Variants in PDE7B observed in about 807,000 individuals in gnomAD.
The protein encoded by PDE7B is phosphodiesterase 7B.
Under a neutral mutation model 56.2 loss-of-function variants are expected in PDE7B, and 29 were observed. That is an observed-to-expected ratio of 0.52 (90% CI 0.38 to 0.70). The LOEUF is 0.70. PDE7B is among the 30% of genes least tolerant of loss of function. PDE7B has a pLI of 0.00. For synonymous variants in PDE7B, 197 were observed against 196.9 expected (o/e 1.00, Z 0.00); for missense variants, 490 against 565.0 (o/e 0.87, Z 1.35).
chr6:135,876,555 T>TA (rs1313122441), intron 1 of PDE7B, among the ~76,000 whole-genome samples: 1 of 152,206 alleles, frequency 6.6e-6, no homozygotes, highest in Admixed American at 6.5e-5. Context: ...AGTCGATAGA[T>TA]ATGTTCAATA....
chr6:136,113,271 A>G (rs1372575012), intron 3 of PDE7B, among the ~76,000 whole-genome samples: 1 of 152,252 alleles, frequency 6.6e-6, no homozygotes, highest in Non-Finnish European at 1.5e-5. Context: ...GTTGTATACC[A>G]TAAATATGTA....
chr6:136,060,013 A>G (rs145778703), intron 2 of PDE7B, among the ~76,000 whole-genome samples: 1 of 152,346 alleles, frequency 6.6e-6, no homozygotes, highest in Non-Finnish European at 1.5e-5. Context: ...GGAACCAGGC[A>G]TGAAGAACTA....
chr6:135,881,658 A>C (rs1213577345), intron 1 of PDE7B, among the ~76,000 whole-genome samples: 1 of 152,174 alleles, frequency 6.6e-6, no homozygotes, highest in African/African-American at 2.4e-5. Flanking sequence ...AAGCTAATAA[A>C]CCCAGGCCAA....
At position 135,882,724 on chromosome 6, in the gene PDE7B, C is replaced by G. The variant is rs542124687; in HGVS notation, c.21+30705C>G. ...GAGCTCTGCAACTTCAGAAGGCAGG[C>G]TCCTTACCACACTTGACTTGTAATT... is the stretch of plus-strand genomic sequence containing the variant. On this transcript the variant is annotated intron_variant, in intron 1 of 12. Transcript: ENST00000308191. Among the ~76,000 whole-genome samples the G allele has an allele frequency of 3.3e-5, 5 of 152,250 alleles. No homozygotes were observed. In the South Asian group the frequency reaches 1.0e-3, roughly 32 times the overall value.
At chr6:135,952,138 C>T (rs1348945360) in intron 2 of PDE7B, among the ~76,000 whole-genome samples, 2 of 151,994 alleles carry the variant, frequency 1.3e-5, no homozygotes, top group African/African-American at 4.8e-5. Context: ...ATGAGATGTT[C>T]TATGAGGAGA....
At chr6:135,972,350 G>T (rs1356847657) in intron 2 of PDE7B, among the ~76,000 whole-genome samples, 1 of 150,886 alleles carries the variant, frequency 6.6e-6, no homozygotes, top group Middle Eastern at 3.2e-3. Flanking sequence ...GTCTGTTTTG[G>T]CTACTGTCAA....
chr6:135,905,024 C>T (rs1460799305), intron 1 of PDE7B, among the ~76,000 whole-genome samples: 1 of 152,192 alleles, frequency 6.6e-6, no homozygotes, highest in Non-Finnish European at 1.5e-5. Context: ...GTTGGTTTAA[C>T]GTTTTGCTGT....
At chr6:136,110,856 G>A (rs1193054680) in intron 3 of PDE7B, 2 of 151,888 alleles carry the variant, frequency 1.3e-5, no homozygotes, top group East Asian at 3.9e-4. Flanking sequence ...GAGATCATCT[G>A]CCAGCAGCTG....
intron 2 of PDE7B, chr6:136,094,731 G>GT (rs1296161335): frequency 6.6e-6 from 1 of 152,148 alleles, no homozygotes; most frequent in African/African-American, 2.4e-5. Flanking sequence ...GGGCAGGCAC[G>GT]TTTTATCTGT....
intron 2 of PDE7B, among the ~76,000 whole-genome samples, chr6:136,050,208 A>G (rs1322253605): frequency 6.6e-6 from 1 of 152,176 alleles, no homozygotes; most frequent in Admixed American, 6.5e-5. Flanking sequence ...GCGTGATGGC[A>G]CTATATAAGT....
chr6:135,908,273 A>G (rs1044164126), intron 1 of PDE7B, among the ~76,000 whole-genome samples: 1 of 145,468 alleles, frequency 6.9e-6, no homozygotes, highest in Non-Finnish European at 1.5e-5. Flanking sequence ...TTTTTTTTTT[A>G]GGAGAGACCG....
intron 6 of PDE7B, 48 bp from the exon 7 acceptor site, chr6:136,154,027 C>G (rs1430928632): frequency 8.0e-7 from 1 of 1,242,618 alleles, no homozygotes; most frequent in East Asian, 2.3e-5. Context: ...GCTAGTATAC[C>G]ACTCCTATTT....
intron 2 of PDE7B, among the ~76,000 whole-genome samples, chr6:136,047,003 G>A (rs1776520689): frequency 6.6e-6 from 1 of 152,138 alleles, no homozygotes; most frequent in African/African-American, 2.4e-5. Flanking sequence ...GCACAAGAGA[G>A]TGCAAAACAA....
intron 2 of PDE7B, among the ~76,000 whole-genome samples, chr6:135,950,839 T>A (rs1774687209): frequency 6.6e-6 from 1 of 152,208 alleles, no homozygotes; most frequent in Non-Finnish European, 1.5e-5. Flanking sequence ...TCCATGAATA[T>A]GCCATTCTTA....
chr6:135,977,992 AT>A (rs1281598469), intron 2 of PDE7B, among the ~76,000 whole-genome samples: 1 of 152,174 alleles, frequency 6.6e-6, no homozygotes, highest in Non-Finnish European at 1.5e-5. Context: ...ATTATAATTT[AT>A]GTCTACCTGG....
rs193298266 is a variant in PDE7B at position 136,073,741 on chromosome 6, C to T, written c.83-34990C>T. ...GGGGACACACTCTAGCCCATAACAG[C>T]ATTTTTACAGCCACACATAGTAAAA... is the stretch of plus-strand genomic sequence containing the variant. On this transcript the variant is annotated intron_variant, in intron 2 of 12. Coordinates refer to ENST00000308191, the MANE Select transcript of PDE7B (RefSeq NM_018945.4). Among the ~76,000 whole-genome samples, 7 of 152,264 alleles carry T rather than the reference C, an allele frequency of 4.6e-5. No homozygotes were observed. In the East Asian group the frequency reaches 1.4e-3, roughly 29 times the overall value.
chr6:136,175,314 T>A (rs1778959905), intron 9 of PDE7B, among the ~76,000 whole-genome samples: 1 of 152,216 alleles, frequency 6.6e-6, no homozygotes, highest in African/African-American at 2.4e-5. Flanking sequence ...GTAAATGCTT[T>A]AATGTCATTT....
rs1454728355 is a variant in PDE7B, at chr6:135,851,972, A to C, written c.-27A>C. 6.3e-7 allele frequency: 1 copy of C among 1,593,280 alleles called. No individual in the cohort carries two copies. ...CGCTCAGAGATTTCACGGCATTCAA[A>C]GGTCACAGAACTGCCACTATGGTTA... On this transcript the variant is annotated 5_prime_UTR_variant, in exon 1 of 13. Transcript: ENST00000308191.
chr6:136,003,774 C>T (rs1306307193), intron 2 of PDE7B, among the ~76,000 whole-genome samples: 1 of 152,136 alleles, frequency 6.6e-6, no homozygotes, highest in Non-Finnish European at 1.5e-5. Flanking sequence ...ACCAGAGGTA[C>T]AAGGAGGAAC....
Sources: allele counts gnomAD v4.1 joint callset (sites outside exome capture counted in the v4.1 genomes callset), GRCh38; gene constraint gnomAD v4.1.1; transcripts MANE v1.5; gene names NCBI Gene and HGNC (gene_info 2026-07-23, HGNC 2026-07-21).